The following NWD2 variants were observed in gnomAD, a reference collection of about 807,000 sequenced individuals.
The protein encoded by NWD2 is NACHT and WD repeat domain-containing protein 2.
In NWD2, 37 loss-of-function variants were observed where a neutral mutation model predicts 132.7. The ratio of observed to expected loss-of-function variants is 0.28; its 90% CI spans 0.21 to 0.37. The LOEUF is 0.37. NWD2 is among the 10% of genes least tolerant of loss of function. NWD2 has a pLI of 1.00. For missense variants in NWD2, 1,592 were observed against 2,122.4 expected, an observed-to-expected ratio of 0.75 and a Z score of 4.91; for synonymous variants, 705 against 803.0, an observed-to-expected ratio of 0.88 and a Z score of 2.06.
At chr4:37,274,613 G>A (rs1022883528) in intron 1 of NWD2, among the ~76,000 whole-genome samples, 1 of 152,010 alleles carries the variant, frequency 6.6e-6, no homozygotes, top group African/African-American at 2.4e-5. Context: ...CCAAAGCCTG[G>A]CAGAGACACA....
At chr4:37,262,021 C>T (rs1372816554) in intron 1 of NWD2, among the ~76,000 whole-genome samples, 2 of 152,138 alleles carry the variant, frequency 1.3e-5, no homozygotes, top group Admixed American at 6.5e-5. Flanking sequence ...TAGATGGAGA[C>T]AAAGGTGATT....
rs540228831 is a variant in NWD2 at position 37,349,430 on chromosome 4, C to T, written c.241-6936C>T. Among the ~76,000 whole-genome samples the T allele has an allele frequency of 1.3e-4, 20 of 152,242 alleles. No individual in the cohort carries two copies. The East Asian group carries it at 3.9e-3, about 29-fold the overall frequency. On this transcript the variant is annotated intron_variant, in intron 2 of 6. Coordinates refer to ENST00000309447, the MANE Select transcript of NWD2 (RefSeq NM_001144990.2). ...GTTCTGATTTGCACTTCTCTAATGA[C>T]CAGTGATCATGAGCTGTTTTTTCAT...
At chr4:37,266,856 A>G (rs1717762730) in intron 1 of NWD2, among the ~76,000 whole-genome samples, 1 of 152,054 alleles carries the variant, frequency 6.6e-6, no homozygotes. Context: ...TACTCATAGT[A>G]AAAGTACAGT....
chr4:37,336,623 A>G (rs980551643), intron 2 of NWD2, among the ~76,000 whole-genome samples: 1 of 152,224 alleles, frequency 6.6e-6, no homozygotes, highest in Non-Finnish European at 1.5e-5. Context: ...TATAAAAATT[A>G]AAAATCCAGA....
chr4:37,416,441 ACT>A (rs1711600853), intron 3 of NWD2, among the ~76,000 whole-genome samples: 1 of 152,206 alleles, frequency 6.6e-6, no homozygotes, highest in Non-Finnish European at 1.5e-5. Context: ...ATAATCAAAA[ACT>A]CAAAAAATAA....
intron 3 of NWD2, among the ~76,000 whole-genome samples, chr4:37,399,860 A>G (rs1720868524): frequency 6.6e-6 from 1 of 152,226 alleles, no homozygotes; most frequent in Non-Finnish European, 1.5e-5. Flanking sequence ...CCAGAACTAA[A>G]GAATCAAAAA....
chr4:37,411,783 AC>A (rs1369533077), intron 3 of NWD2, among the ~76,000 whole-genome samples: 1 of 152,164 alleles, frequency 6.6e-6, no homozygotes, highest in African/African-American at 2.4e-5. Context: ...AAGCTTATCC[AC>A]CACAATCAAG....
intron 3 of NWD2, among the ~76,000 whole-genome samples, chr4:37,378,819 A>G (rs1720398666): frequency 6.6e-6 from 1 of 152,202 alleles, no homozygotes; most frequent in Admixed American, 6.5e-5. Context: ...GGAGAAGTTT[A>G]AAGAATTAGG....
rs544722477 is a variant in NWD2 at position 37,382,583 on chromosome 4, C to A, written c.357+26101C>A. Among the ~76,000 whole-genome samples the A allele has an allele frequency of 6.3e-4, 96 of 152,264 alleles. 1 individual carries two copies. The highest frequency in any genetic ancestry group is 2.2e-3 in the African/African-American group (91 of 41,540). ...TCTCTCTCCCCTTTTCCCCTGTGAG[C>A]CCGGGTTTCTAGCCTCCCAATGCTG... On this transcript the variant is annotated intron_variant, in intron 3 of 6. Transcript: ENST00000309447.
chr4:37,268,976 C>T (rs2033621), intron 1 of NWD2, among the ~76,000 whole-genome samples: 1,674 of 151,996 alleles, frequency 0.011, 31 homozygotes, highest in African/African-American at 0.038. Context: ...AGTAATTGAT[C>T]AAAGTCCATC....
At chr4:37,338,055 G>A (rs1322875398) in intron 2 of NWD2, among the ~76,000 whole-genome samples, 2 of 152,148 alleles carry the variant, frequency 1.3e-5, no homozygotes, top group East Asian at 3.9e-4. Context: ...TTAACAGCTG[G>A]ATGTCTATGG....
At chr4:37,258,921 G>A (rs1560378827) in intron 1 of NWD2, among the ~76,000 whole-genome samples, 2 of 152,216 alleles carry the variant, frequency 1.3e-5, no homozygotes, top group Non-Finnish European at 2.9e-5. Context: ...GATATCACAA[G>A]TAGGATCAAG....
At chr4:37,299,371 A>G (rs1298550516) in intron 1 of NWD2, among the ~76,000 whole-genome samples, 2 of 152,050 alleles carry the variant, frequency 1.3e-5, no homozygotes, top group East Asian at 1.9e-4. Flanking sequence ...CTTCTGTAAT[A>G]AACTCCATGT....
At position 37,446,930 on chromosome 4, in the gene NWD2, C is replaced by T. The variant is rs150379960; in HGVS notation, c.4942C>T (p.Arg1648Cys). Residue 1648 changes from arginine to cysteine, a missense_variant, in exon 7 of 7, where the codon CGT becomes TGT. Physicochemically the swap from Arg to Cys is radical, Grantham distance 180. This residue lies in a region of NWD2 where 257 missense variants were observed against 335.0 expected (regional missense o/e 0.77). Coordinates refer to ENST00000309447, the MANE Select transcript of NWD2 (RefSeq NM_001144990.2). This position sits in a 1 kb window ranked among gnomAD's most constrained non-coding sequence, Gnocchi z 6.7. ...TATAGGGATCTACACGGTAGTAGAC[C>T]GTGTAGATGCTGCACTGAAAATCAA... Reference protein sequence around the residue: ...GSIGIYTVVDRVDAALKIKIA... With the variant: ...GSIGIYTVVDCVDAALKIKIA... 9.5e-5 allele frequency: 147 copies of T among 1,551,540 alleles called. No individual in the cohort carries two copies. Among genetic ancestry groups the T allele is most frequent in the Non-Finnish European group, 1.2e-4 (139 of 1,146,962 alleles).
intron 1 of NWD2, among the ~76,000 whole-genome samples, chr4:37,287,096 G>A (rs970539270): frequency 6.6e-6 from 1 of 152,190 alleles, no homozygotes; most frequent in East Asian, 1.9e-4. Context: ...CCAGCCAAGG[G>A]AGGCACAGAG....
At chr4:37,326,462 G>A (rs926838944) in intron 2 of NWD2, among the ~76,000 whole-genome samples, 4 of 151,994 alleles carry the variant, frequency 2.6e-5, no homozygotes, top group African/African-American at 9.7e-5. Flanking sequence ...TATTCACATT[G>A]TAGAACATCG....
chr4:37,316,825 A>C (rs1718969443), intron 1 of NWD2, among the ~76,000 whole-genome samples: 1 of 152,228 alleles, frequency 6.6e-6, no homozygotes, highest in South Asian at 2.1e-4. Context: ...GTATTTCTTA[A>C]ACATTGGATA....
intron 2 of NWD2, among the ~76,000 whole-genome samples, chr4:37,339,968 T>TC (rs1006118430): frequency 2.0e-5 from 3 of 151,484 alleles, no homozygotes; most frequent in African/African-American, 4.9e-5. Flanking sequence ...TTTTTTTTTT[T>TC]CACTGAAGAT....
chr4:37,368,397 A>G (rs1025065845), intron 3 of NWD2, among the ~76,000 whole-genome samples: 1 of 152,212 alleles, frequency 6.6e-6, no homozygotes, highest in South Asian at 2.1e-4. Flanking sequence ...GTTGTCCAAT[A>G]AAACACAACA....
Sources: allele counts gnomAD v4.1 joint callset (sites outside exome capture counted in the v4.1 genomes callset), GRCh38; gene constraint gnomAD v4.1.1; regional missense constraint gnomAD v4.1.1; non-coding constraint Gnocchi (gnomAD v3.1); transcripts MANE v1.5; gene names NCBI Gene and HGNC (gene_info 2026-07-23, HGNC 2026-07-21).